The following AFG2A variants were observed in gnomAD, a reference collection of about 807,000 sequenced individuals.
AFG2A encodes the protein AAA ATPase AFG2A.
chr4:123,060,705 G>T, the AFG2A span, among the ~76,000 whole-genome samples: 1 of 152,106 alleles, frequency 6.6e-6, no homozygotes, highest in Non-Finnish European at 1.5e-5. Context: ...TGCAGGGAAG[G>T]TCTCTGATCT....
the AFG2A span, among the ~76,000 whole-genome samples, chr4:123,003,006 T>C: frequency 6.6e-6 from 1 of 152,166 alleles, no homozygotes; most frequent in Non-Finnish European, 1.5e-5. Context: ...GTTCATTTCT[T>C]TTTATTCTTT....
At chr4:123,092,712 A>G in the AFG2A span, among the ~76,000 whole-genome samples, 1 of 152,182 alleles carries the variant, frequency 6.6e-6, no homozygotes, top group Non-Finnish European at 1.5e-5. Context: ...TTAGGAGCTC[A>G]TGTTTCTAAA....
At chr4:122,979,102 C>G in the AFG2A span, 1 of 1,103,288 alleles carries the variant, frequency 9.1e-7, no homozygotes, top group Non-Finnish European at 1.3e-6. Flanking sequence ...GTATGCAGCC[C>G]TGGCCACGCC....
At chr4:123,134,418 G>T in the AFG2A span, among the ~76,000 whole-genome samples, 10 of 152,106 alleles carry the variant, frequency 6.6e-5, no homozygotes, top group African/African-American at 2.4e-4. Flanking sequence ...CTATAGACAT[G>T]TGGATTTATT....
chr4:123,077,529 G>T, the AFG2A span, among the ~76,000 whole-genome samples: 9 of 152,248 alleles, frequency 5.9e-5, no homozygotes, highest in South Asian at 1.9e-3. Flanking sequence ...ATTATTCACA[G>T]CACAGCAAGC....
chr4:123,114,961 T>C, the AFG2A span, among the ~76,000 whole-genome samples: 2 of 152,262 alleles, frequency 1.3e-5, no homozygotes, highest in Non-Finnish European at 2.9e-5. Flanking sequence ...GAGGCTGCAA[T>C]GGCGGCTCCG....
the AFG2A span, among the ~76,000 whole-genome samples, chr4:123,058,606 CAA>C: frequency 9.2e-5 from 14 of 152,096 alleles, no homozygotes; most frequent in Admixed American, 5.9e-4. Context: ...CCCTGGGCAA[CAA>C]GAGCGAAACT....
At chr4:123,264,351 A>C in the AFG2A span, among the ~76,000 whole-genome samples, 2 of 152,094 alleles carry the variant, frequency 1.3e-5, no homozygotes, top group Admixed American at 6.6e-5. Flanking sequence ...TTCCCCAAAA[A>C]CCTATTGAAA....
At chr4:123,208,202 C>A in the AFG2A span, among the ~76,000 whole-genome samples, 50 of 152,298 alleles carry the variant, frequency 3.3e-4, no homozygotes, top group Middle Eastern at 3.4e-3. Context: ...ATAATAGATT[C>A]TTCAATTAAT....
chr4:123,306,612 A>G, the AFG2A span, among the ~76,000 whole-genome samples: 2 of 151,458 alleles, frequency 1.3e-5, no homozygotes, highest in Non-Finnish European at 2.9e-5. Flanking sequence ...CCAGAGTGCA[A>G]TGTCACGATC....
the AFG2A span, among the ~76,000 whole-genome samples, chr4:123,044,935 G>A: frequency 6.6e-6 from 1 of 151,336 alleles, no homozygotes; most frequent in African/African-American, 2.4e-5. Flanking sequence ...TTCTTTTTAT[G>A]TTTTCTATCT....
At chr4:123,077,088 C>T in the AFG2A span, among the ~76,000 whole-genome samples, 1 of 148,102 alleles carries the variant, frequency 6.8e-6, no homozygotes, top group African/African-American at 2.5e-5. Context: ...CACTTTGTTG[C>T]CCAGGCTGGA....
At chr4:123,155,761 T>G in the AFG2A span, among the ~76,000 whole-genome samples, 1 of 152,216 alleles carries the variant, frequency 6.6e-6, no homozygotes, top group Admixed American at 6.5e-5. Flanking sequence ...CATCCTCAGA[T>G]TTTGGTATCT....
At chr4:123,163,547 T>C in the AFG2A span, among the ~76,000 whole-genome samples, 1 of 152,238 alleles carries the variant, frequency 6.6e-6, no homozygotes, top group Non-Finnish European at 1.5e-5. Context: ...GTCTGGTATG[T>C]AGTAAAACCT....
the AFG2A span, among the ~76,000 whole-genome samples, chr4:123,145,267 C>A: frequency 6.6e-6 from 1 of 151,942 alleles, no homozygotes; most frequent in Non-Finnish European, 1.5e-5. Flanking sequence ...ACTCAGTTGC[C>A]CAATTTTTGA....
chr4:123,047,251 C>T, the AFG2A span, among the ~76,000 whole-genome samples: 4 of 152,154 alleles, frequency 2.6e-5, no homozygotes, highest in African/African-American at 9.7e-5. Context: ...TGCATCTTCT[C>T]CAGCATTTCT....
At chr4:123,301,558 C>A in the AFG2A span, among the ~76,000 whole-genome samples, 1 of 152,148 alleles carries the variant, frequency 6.6e-6, no homozygotes, top group Non-Finnish European at 1.5e-5. Flanking sequence ...AAAGAACTTT[C>A]TTCCAAAAAG....
At chr4:123,020,369 G>GTT in the AFG2A span, among the ~76,000 whole-genome samples, 7 of 141,980 alleles carry the variant, frequency 4.9e-5, no homozygotes, top group Non-Finnish European at 1.1e-4. Flanking sequence ...TGTGTATGTG[G>GTT]TTTTTTTTTT....
the AFG2A span, among the ~76,000 whole-genome samples, chr4:123,312,001 C>CCT: frequency 6.6e-5 from 10 of 152,278 alleles, no homozygotes; most frequent in East Asian, 7.7e-4. Flanking sequence ...CTTTTGGTTA[C>CCT]CTCTTTTTTT....
Sources: allele counts gnomAD v4.1 joint callset (sites outside exome capture counted in the v4.1 genomes callset), GRCh38; gene constraint gnomAD v4.1.1; transcripts MANE v1.5; gene names NCBI Gene and HGNC (gene_info 2026-07-23, HGNC 2026-07-21).